The following PKD1L1 variants were observed in gnomAD, a reference collection of about 807,000 sequenced individuals.
PKD1L1 encodes the protein polycystin-1-like protein 1.
Under a neutral mutation model 323.4 loss-of-function variants are expected in PKD1L1, and 236 were observed. That is an observed-to-expected ratio of 0.73 (90% CI 0.66 to 0.81). The LOEUF is 0.81. Among genes scored for constraint, PKD1L1 ranks in the 40% least tolerant of loss-of-function variants. PKD1L1 has a pLI of 0.00. For synonymous variants in PKD1L1, 1,344 were observed against 1,335.0 expected (o/e 1.01, Z -0.15); for missense variants, 3,320 against 3,508.0 (o/e 0.95, Z 1.35).
At chr7:47,891,230 A>G (rs944616311) in intron 15 of PKD1L1, among the ~76,000 whole-genome samples, 1 of 152,206 alleles carries the variant, frequency 6.6e-6, no homozygotes, top group African/African-American at 2.4e-5. Flanking sequence ...GTTTCCCTGT[A>G]GCACAGCTAG....
rs779695472 is a variant in PKD1L1 at position 47,835,181 on chromosome 7, C to G, written c.6006G>C (p.Leu2002=). ...SFRVGLLCTL[L]ASPGAQLLSL... ...ACAAGAGCTGGGCCCCTGGAGAAGC[C>G]AGGAGGGTACACAGGAGACCCACCC... Residue 2002 remains leucine, a synonymous_variant, in exon 38 of 57, where the codon CTG becomes CTC. Coordinates refer to ENST00000289672, the MANE Select transcript of PKD1L1 (RefSeq NM_138295.5). 6.3e-7 allele frequency: 1 copy of G among 1,594,546 alleles called. No individual in the cohort carries two copies. The highest frequency in any genetic ancestry group is 8.5e-7 in the Non-Finnish European group (1 of 1,173,690).
rs1786398332 is a variant in PKD1L1 at position 47,876,132 on chromosome 7, A to G, written c.3749T>C (p.Val1250Ala). The G allele has an allele frequency of 6.2e-7, 1 of 1,614,058 alleles. No homozygotes were observed. The highest frequency in any genetic ancestry group is 8.5e-7 in the Non-Finnish European group (1 of 1,180,012). Reference sequence around the variant, plus strand: ...GTCCAAGTGCTCACCAGCTGGCAACACAAAATAATACTGGGTGTCTCTCCC... The same window carrying G: ...GTCCAAGTGCTCACCAGCTGGCAACGCAAAATAATACTGGGTGTCTCTCCC... Reference protein sequence around the residue: ...YHGRDTQYYFVLPAGEHLDNY... With the variant: ...YHGRDTQYYFALPAGEHLDNY... Residue 1250 changes from valine to alanine, a missense_variant, in exon 23 of 57, where the codon GTG becomes GCG. Coordinates refer to ENST00000289672, the MANE Select transcript of PKD1L1 (RefSeq NM_138295.5).
intron 13 of PKD1L1, among the ~76,000 whole-genome samples, chr7:47,899,789 T>C (rs919216540): frequency 7.2e-5 from 11 of 152,022 alleles, no homozygotes; most frequent in African/African-American, 2.7e-4. Flanking sequence ...ACCCTGTTTT[T>C]ACTAAAAATA....
intron 42 of PKD1L1, among the ~76,000 whole-genome samples, chr7:47,830,887 AGAGTTCC>A: frequency 6.6e-6 from 1 of 152,320 alleles, no homozygotes; most frequent in East Asian, 1.9e-4. Flanking sequence ...TATTCTAGCC[AGAGTTCC>A]TGGCTGGGAA....
rs144208756 is a variant in PKD1L1 at position 47,902,435 on chromosome 7, C to T, written c.2008G>A (p.Val670Met). Residue 670 changes from valine (V) to methionine (M), a missense_variant, in exon 13 of 57, where the codon GTG becomes ATG. Transcript: ENST00000289672. The stretch of plus-strand genomic sequence containing the variant: ...AGGGGTGGCTGGCAGGGCTCGCACA[C>T]GATGAAAAGTTGCTGTCTTAGAGTG... ...ASTLRQQLFI[V>M]CEPCQPPLVK... is the part of the protein sequence containing the mutation. The T allele has an allele frequency of 1.6e-4, 259 of 1,614,170 alleles. No homozygotes were observed. The African/African-American group carries it at 2.5e-3, about 16-fold the overall frequency.
intron 9 of PKD1L1, 113 bp from the exon 10 acceptor site, chr7:47,906,075 T>C: frequency 2.8e-6 from 3 of 1,089,478 alleles, no homozygotes; most frequent in South Asian, 2.0e-5. Flanking sequence ...TGAATCTCAA[T>C]AAATTTCAAA....
chr7:47,869,558 G>T (rs1367075289), intron 24 of PKD1L1, among the ~76,000 whole-genome samples: 3 of 152,074 alleles, frequency 2.0e-5, no homozygotes, highest in Non-Finnish European at 2.9e-5. Context: ...CACCAGGAAG[G>T]TTAAAAAATT....
At chr7:47,943,163 A>AAATATAT (rs1554417311) in intron 2 of PKD1L1, among the ~76,000 whole-genome samples, 1 of 34,150 alleles carries the variant, frequency 2.9e-5, no homozygotes, top group Non-Finnish European at 5.7e-5. Flanking sequence ...AAAAAAAAAA[A>AAATATAT]ATATATATAT....
chr7:47,908,589 G>GA (rs1787256998), intron 8 of PKD1L1, among the ~76,000 whole-genome samples: 1 of 152,194 alleles, frequency 6.6e-6, no homozygotes, highest in East Asian at 1.9e-4. Context: ...TCATAAGGAA[G>GA]AAAATAGATA....
In PKD1L1 at chr7:47,836,921, C is replaced by G. The variant is rs201782080; in HGVS notation, c.5943G>C (p.Gln1981His). The change falls in exon 37 of 57, where the codon CAG becomes CAC. Residue 1981 changes from glutamine (Q) to histidine (H), a missense_variant and splice_region_variant. Coordinates refer to ENST00000289672, the MANE Select transcript of PKD1L1 (RefSeq NM_138295.5). The stretch of plus-strand genomic sequence containing the variant: ...TATAAGGAAAAGCGATGGCTCTCAC[C>G]TGCTCTTGCCCTCCAGCAGCAACCA... ...TALVAAGGQE[Q>H]PHLDVSPTLG... The G allele has an allele frequency of 5.6e-6, 9 of 1,613,250 alleles. No homozygotes were observed. The highest frequency in any genetic ancestry group is 6.8e-6 in the Non-Finnish European group (8 of 1,179,784).
chr7:47,813,640 T>C lies in PKD1L1; in HGVS notation c.7173+291A>G, dbSNP rs558217346. On this transcript the variant is annotated intron_variant, in intron 48 of 56. Coordinates refer to ENST00000289672, the MANE Select transcript of PKD1L1 (RefSeq NM_138295.5). ...ATGTGAATATTCTATTTTTAGATTGTTTGATTAAAAATCCTAGTTTTGCCT... is the reference window on the plus strand; with the variant it reads ...ATGTGAATATTCTATTTTTAGATTGCTTGATTAAAAATCCTAGTTTTGCCT... 29 of 667,016 alleles carry C rather than the reference T, an allele frequency of 4.3e-5. 1 individual carries two copies. In the Middle Eastern group the frequency reaches 7.2e-4, roughly 16 times the overall value. 41.3% of individuals were successfully genotyped at this position (667,016 alleles called of 1,614,324 possible). A position where few individuals can be genotyped will look rare whatever the true frequency, so the allele number is the denominator to read the frequency against.
chr7:47,915,656 A>G (rs1328538869), intron 7 of PKD1L1, 57 bp from the exon 8 acceptor site: 2 of 1,108,368 alleles, frequency 1.8e-6, no homozygotes, highest in Non-Finnish European at 1.3e-6. Flanking sequence ...AAACTAGGGG[A>G]AAATGTGGAA....
chr7:47,904,452 A>G lies in PKD1L1; in HGVS notation c.1857T>C (p.Asp619=). Residue 619 remains aspartate (D), a synonymous_variant, in exon 12 of 57, where the codon GAT becomes GAC. Transcript: ENST00000289672. ...AFECWINFGT[D]VAYLWDFGDG... is the part of the protein sequence containing the mutation. Reference sequence around the variant, plus strand: ...CCCCAAAGTCCCACAGGTAGGCAACATCTGTGCCGAAGTTGATCCAGCACT... The same window carrying G: ...CCCCAAAGTCCCACAGGTAGGCAACGTCTGTGCCGAAGTTGATCCAGCACT... The G allele has an allele frequency of 3.1e-6, 5 of 1,614,182 alleles. No homozygotes were observed. Among genetic ancestry groups the G allele is most frequent in the Non-Finnish European group, 3.4e-6 (4 of 1,180,034 alleles).
At chr7:47,830,270 A>T (rs1785319631) in intron 42 of PKD1L1, 146 bp from the exon 43 acceptor site, 1 of 651,238 alleles carries the variant, frequency 1.5e-6, no homozygotes, top group East Asian at 2.7e-5. Flanking sequence ...GGTGCTGGAC[A>T]TGGGCAGTGT....
At chr7:47,835,641 T>C (rs767692925) in intron 37 of PKD1L1, among the ~76,000 whole-genome samples, 1 of 152,168 alleles carries the variant, frequency 6.6e-6, no homozygotes, top group Non-Finnish European at 1.5e-5. Flanking sequence ...CCTCAGGTGA[T>C]CTGCCCACCT....
intron 55 of PKD1L1, among the ~76,000 whole-genome samples, chr7:47,793,012 T>C (rs1373062868): frequency 6.7e-6 from 1 of 149,094 alleles, no homozygotes; most frequent in Non-Finnish European, 1.5e-5. Flanking sequence ...CGTATACAGA[T>C]ATACATGTAA....
the PKD1L1 span, among the ~76,000 whole-genome samples, chr7:47,960,366 TAAAAAA>T: frequency 4.5e-5 from 1 of 22,072 alleles, no homozygotes; most frequent in Non-Finnish European, 9.3e-5. Context: ...GAATGATCAA[TAAAAAA>T]AAATTAAAAA....
intron 56 of PKD1L1, among the ~76,000 whole-genome samples, chr7:47,786,844 T>A (rs1277017242): frequency 6.6e-6 from 1 of 151,794 alleles, no homozygotes; most frequent in Non-Finnish European, 1.5e-5. Flanking sequence ...CTCTTCGGGG[T>A]CCAAGGCTAC....
intron 10 of PKD1L1, 124 bp downstream of exon 10, chr7:47,905,719 A>G (rs1171177581): frequency 5.2e-6 from 7 of 1,351,882 alleles, no homozygotes; most frequent in Middle Eastern, 1.8e-4. Context: ...GAACCTGTTC[A>G]ATGACAAATG....
Sources: allele counts gnomAD v4.1 joint callset (sites outside exome capture counted in the v4.1 genomes callset), GRCh38; gene constraint gnomAD v4.1.1; transcripts MANE v1.5; gene names NCBI Gene and HGNC (gene_info 2026-07-23, HGNC 2026-07-21).